DGKB: variants seen among roughly 807,000 people sequenced by gnomAD.
DGKB encodes diacylglycerol kinase beta.
Under a neutral mutation model 114.3 loss-of-function variants are expected in DGKB, and 67 were observed. That is an observed-to-expected ratio of 0.59 (90% confidence interval 0.48 to 0.72). The LOEUF is 0.72. DGKB is among the 30% of genes least tolerant of loss of function. The pLI, the probability that DGKB is intolerant of heterozygous loss-of-function variation, is 0.00. For missense variants in DGKB, 907 were observed against 975.2 expected, an observed-to-expected ratio of 0.93 and a Z score of 0.93; for synonymous variants, 398 against 323.1, an observed-to-expected ratio of 1.23 and a Z score of -2.49.
intron 2 of DGKB, among the ~76,000 whole-genome samples, chr7:14,771,088 G>T (rs926300489): frequency 2.0e-5 from 3 of 152,070 alleles, no homozygotes; most frequent in Non-Finnish European, 4.4e-5. Context: ...GATTTAGCAT[G>T]AGCAAAATAA....
intron 23 of DGKB, among the ~76,000 whole-genome samples, chr7:14,266,889 C>G (rs1199887772): frequency 6.6e-6 from 1 of 152,180 alleles, no homozygotes; most frequent in Non-Finnish European, 1.5e-5. Context: ...TACGTTAATA[C>G]TTAAGCAGAC....
At chr7:14,912,809 G>C (rs1407178682) in intron 1 of DGKB, among the ~76,000 whole-genome samples, 2 of 152,030 alleles carry the variant, frequency 1.3e-5, no homozygotes, top group Non-Finnish European at 2.9e-5. Context: ...CCACACATAT[G>C]AGTGTCCCAT....
intron 23 of DGKB, among the ~76,000 whole-genome samples, chr7:14,183,494 G>C (rs1479237933): frequency 6.6e-6 from 1 of 152,144 alleles, no homozygotes; most frequent in Non-Finnish European, 1.5e-5. Flanking sequence ...TCCAATTGTA[G>C]GTCTATTAAT....
chr7:14,563,654 T>C (rs1023227100), intron 20 of DGKB, among the ~76,000 whole-genome samples: 1 of 152,082 alleles, frequency 6.6e-6, no homozygotes, highest in African/African-American at 2.4e-5. Context: ...TTTTTTTTTT[T>C]TTTTTAAGTT....
At chr7:14,580,525 T>C (rs1174576632) in intron 19 of DGKB, among the ~76,000 whole-genome samples, 2 of 152,166 alleles carry the variant, frequency 1.3e-5, no homozygotes, top group African/African-American at 4.8e-5. Flanking sequence ...TCCCAACTTA[T>C]AAATGAAAAG....
chr7:14,338,863 CCT>C (rs1811135024), intron 22 of DGKB, among the ~76,000 whole-genome samples, 153 bp from the exon 23 acceptor site: 1 of 151,998 alleles, frequency 6.6e-6, no homozygotes, highest in Admixed American at 6.6e-5. Flanking sequence ...AAACACTTAC[CCT>C]GAGTCAATAT....
At chr7:14,472,218 C>T (rs1371446883) in intron 21 of DGKB, among the ~76,000 whole-genome samples, 1 of 152,126 alleles carries the variant, frequency 6.6e-6, no homozygotes, top group Non-Finnish European at 1.5e-5. Context: ...TCTTGAATTT[C>T]CACATGTTGT....
chr7:14,212,408 T>TTTTACTCTCATGTTTTGTGATA lies in DGKB; in HGVS notation c.2123-34258_2123-34257insTATCACAAAACATGAGAGTAAA, dbSNP rs1788219425. ...TGATATTTACTCTCATGTTTTGTGA[T>TTTTACTCTCATGTTTTGTGATA]TTTACTCTCGTGTTTTGTGATATTT... On this transcript the variant is annotated intron_variant, in intron 23 of 25. Transcript: ENST00000402815. Among the ~76,000 whole-genome samples, 5 of 22,048 alleles carry TTTTACTCTCATGTTTTGTGATA rather than the reference T, an allele frequency of 2.3e-4. 1 individual carries two copies. The highest frequency in any genetic ancestry group is 2.8e-4 in the African/African-American group (2 of 7,070). The allele number at this position is 22,048 out of a possible 152,430, so 14.5% of individuals were successfully genotyped here.
chr7:14,152,979 T>C (rs995633209), intron 25 of DGKB, among the ~76,000 whole-genome samples: 1 of 152,046 alleles, frequency 6.6e-6, no homozygotes, highest in African/African-American at 2.4e-5. Context: ...CCATAAAACA[T>C]ATTATCAGAG....
intron 2 of DGKB, among the ~76,000 whole-genome samples, chr7:14,839,536 G>A (rs950741025): frequency 2.0e-5 from 3 of 151,430 alleles, no homozygotes; most frequent in Non-Finnish European, 2.9e-5. Flanking sequence ...CAAGTAGCTG[G>A]GACTACATGT....
intron 1 of DGKB, among the ~76,000 whole-genome samples, chr7:14,939,377 C>A (rs1403128868): frequency 6.6e-6 from 1 of 152,082 alleles, no homozygotes; most frequent in African/African-American, 2.4e-5. Context: ...TAGAAATACC[C>A]TTTCTCAGTG....
chr7:14,654,233 T>C (rs1815294645), intron 13 of DGKB, among the ~76,000 whole-genome samples: 1 of 151,938 alleles, frequency 6.6e-6, no homozygotes, highest in Non-Finnish European at 1.5e-5. Flanking sequence ...AGCATTCCTA[T>C]TTACCAAAAA....
At chr7:14,423,525 C>A (rs776412115) in intron 21 of DGKB, among the ~76,000 whole-genome samples, 7 of 152,022 alleles carry the variant, frequency 4.6e-5, no homozygotes, top group African/African-American at 9.7e-5. Flanking sequence ...TCTAAGTGCA[C>A]GTACATTTTT....
intron 23 of DGKB, among the ~76,000 whole-genome samples, chr7:14,257,535 T>C (rs1206248369): frequency 6.6e-6 from 1 of 152,110 alleles, no homozygotes; most frequent in South Asian, 2.1e-4. Context: ...AATTGAATCA[T>C]AGAGGCTGTT....
intron 1 of DGKB, among the ~76,000 whole-genome samples, chr7:14,880,317 G>T (rs1406064456): frequency 6.6e-6 from 1 of 152,136 alleles, no homozygotes; most frequent in Admixed American, 6.5e-5. Flanking sequence ...AATTAGCCAG[G>T]TATGGTGGCA....
intron 19 of DGKB, among the ~76,000 whole-genome samples, 166 bp downstream of exon 19, chr7:14,580,696 T>C (rs1250238186): frequency 2.0e-5 from 3 of 152,204 alleles, no homozygotes; most frequent in Non-Finnish European, 4.4e-5. Context: ...TTTTCCACTA[T>C]TTGTTCTTCT....
intron 20 of DGKB, among the ~76,000 whole-genome samples, chr7:14,535,686 C>T (rs1759482755): frequency 6.6e-6 from 1 of 152,156 alleles, no homozygotes; most frequent in Admixed American, 6.5e-5. Flanking sequence ...CTCCCATGTT[C>T]AAGCAATTCT....
Position 14,223,051 on chromosome 7 carries a change from G to A in DGKB, c.2123-44900C>T, listed in dbSNP as rs186446882. Among the ~76,000 whole-genome samples the A allele has an allele frequency of 2.0e-5, 3 of 151,536 alleles. No homozygotes were observed. In the East Asian group the frequency reaches 5.8e-4, roughly 29 times the overall value. On this transcript the variant is annotated intron_variant, in intron 23 of 25. Coordinates refer to ENST00000402815, the MANE Select transcript of DGKB (RefSeq NM_001350709.2). ...TAATCTAAAGTGTGTCCCCTGAAGA[G>A]AGCATATAAATAGATCTTGTTTTTC...
intron 23 of DGKB, among the ~76,000 whole-genome samples, chr7:14,315,124 T>G (rs1337266317): frequency 1.4e-5 from 2 of 145,522 alleles, no homozygotes; most frequent in African/African-American, 2.5e-5. Context: ...AAAGAGCTCC[T>G]GAAGGAAGCG....
Sources: gnomAD v4.1 joint callset for allele counts (sites outside exome capture counted in the v4.1 genomes callset) on GRCh38, gnomAD v4.1.1 for gene constraint, MANE v1.5 for transcripts, NCBI Gene and HGNC (gene_info 2026-07-23, HGNC 2026-07-21) for gene names.